TNPO1: variants seen among roughly 807,000 people sequenced by gnomAD.
The protein encoded by TNPO1 is transportin-1.
A neutral mutation model predicts 119.5 loss-of-function variants in TNPO1; 8 were observed. The ratio of observed to expected loss-of-function variants is 0.07; its 90% confidence interval spans 0.04 to 0.12. The LOEUF (loss-of-function observed/expected upper bound fraction) is 0.12. TNPO1 is among the 10% of genes least tolerant of loss of function. The pLI is 1.00. For missense variants in TNPO1, 576 were observed against 1,089.8 expected, an observed-to-expected ratio of 0.53 and a Z score of 6.64; for synonymous variants, 362 against 363.0, an observed-to-expected ratio of 1.00 and a Z score of 0.03.
chr5:72,886,362 C>T (rs1443659736), intron 11 of TNPO1, among the ~76,000 whole-genome samples: 2 of 152,106 alleles, frequency 1.3e-5, no homozygotes, highest in African/African-American at 4.8e-5. Flanking sequence ...TGATATACTG[C>T]TGGAAATGTT....
At chr5:72,871,698 A>G (rs1364623909) in intron 6 of TNPO1, 3 of 152,254 alleles carry the variant, frequency 2.0e-5, no homozygotes, top group African/African-American at 7.2e-5. Flanking sequence ...TTAAGACAGA[A>G]CAGCAAGTGA....
intron 1 of TNPO1, among the ~76,000 whole-genome samples, chr5:72,840,252 G>T (rs1374705994): frequency 2.0e-5 from 3 of 152,086 alleles, no homozygotes; most frequent in Non-Finnish European, 4.4e-5. Context: ...GTGCATCTGG[G>T]CTTGAGTCCT....
chr5:72,843,386 G>A (rs184064606), intron 1 of TNPO1, among the ~76,000 whole-genome samples: 10 of 152,242 alleles, frequency 6.6e-5, no homozygotes, highest in Non-Finnish European at 1.3e-4. Context: ...TTGAGGTCAG[G>A]AGTTCCAGAC....
chr5:72,856,714 T>C (rs1746028956), intron 4 of TNPO1, among the ~76,000 whole-genome samples: 1 of 152,232 alleles, frequency 6.6e-6, no homozygotes, highest in Admixed American at 6.5e-5. Context: ...CTTTTTAGTC[T>C]TTTCAGAGCG....
At chr5:72,883,738 T>A (rs1748418988) in intron 11 of TNPO1, among the ~76,000 whole-genome samples, 1 of 152,162 alleles carries the variant, frequency 6.6e-6, no homozygotes, top group South Asian at 2.1e-4. Context: ...TTTTTTTGTT[T>A]GTTTGTTTGT....
At chr5:72,902,728 CTT>C (rs1427146280) in intron 22 of TNPO1, among the ~76,000 whole-genome samples, 1 of 152,024 alleles carries the variant, frequency 6.6e-6, no homozygotes, top group African/African-American at 2.4e-5. Context: ...TGTTTTATAA[CTT>C]TTATTCACAT....
chr5:72,887,423 C>G (rs1425964498), intron 12 of TNPO1, among the ~76,000 whole-genome samples: 3 of 152,162 alleles, frequency 2.0e-5, no homozygotes, highest in African/African-American at 7.2e-5. Flanking sequence ...GGCATGGTGG[C>G]TCACGCCTAT....
chr5:72,854,345 C>T (rs1159468135), intron 3 of TNPO1, among the ~76,000 whole-genome samples: 1 of 152,138 alleles, frequency 6.6e-6, no homozygotes, highest in East Asian at 1.9e-4. Context: ...AGTTTGTGTG[C>T]AGAGAAACTG....
chr5:72,846,570 A>G (rs1232943901), intron 1 of TNPO1, among the ~76,000 whole-genome samples: 2 of 152,212 alleles, frequency 1.3e-5, no homozygotes, highest in East Asian at 1.9e-4. Flanking sequence ...TTGATTTATT[A>G]TAATATTTGT....
intron 15 of TNPO1, among the ~76,000 whole-genome samples, chr5:72,892,425 T>C (rs1278237574): frequency 1.3e-5 from 2 of 152,294 alleles, no homozygotes; most frequent in South Asian, 2.1e-4. Context: ...CTCCCTGTTA[T>C]TTCAAGGTTC....
chr5:72,864,487 T>TA (rs1254820375), intron 5 of TNPO1, among the ~76,000 whole-genome samples: 1 of 152,214 alleles, frequency 6.6e-6, no homozygotes, highest in Non-Finnish European at 1.5e-5. Flanking sequence ...CCTTTAGTAT[T>TA]AAAATGATTA....
chr5:72,844,706 A>G (rs1745053942), intron 1 of TNPO1, among the ~76,000 whole-genome samples: 1 of 152,234 alleles, frequency 6.6e-6, no homozygotes, highest in African/African-American at 2.4e-5. Flanking sequence ...TAAGACTTAG[A>G]TTAATTAACT....
At chr5:72,852,342 A>G (rs933226644) in intron 3 of TNPO1, among the ~76,000 whole-genome samples, 2 of 152,196 alleles carry the variant, frequency 1.3e-5, no homozygotes, top group East Asian at 3.8e-4. Context: ...CATCTCTGCC[A>G]TGCAATTTAC....
intron 4 of TNPO1, 73 bp downstream of exon 4, chr5:72,855,996 C>G: frequency 6.7e-7 from 1 of 1,488,684 alleles, no homozygotes. Flanking sequence ...AGATTATTTC[C>G]TTAGGAATTT....
intron 18 of TNPO1, among the ~76,000 whole-genome samples, chr5:72,895,281 T>G (rs545623206): frequency 6.6e-6 from 1 of 152,190 alleles, no homozygotes; most frequent in African/African-American, 2.4e-5. Flanking sequence ...TTAATGAGAT[T>G]TACGTTGTTT....
intron 22 of TNPO1, among the ~76,000 whole-genome samples, chr5:72,901,810 A>G (rs147497450): frequency 6.6e-6 from 1 of 152,306 alleles, no homozygotes; most frequent in East Asian, 1.9e-4. Flanking sequence ...GAGACCCAAG[A>G]TACATCAAAT....
intron 18 of TNPO1, among the ~76,000 whole-genome samples, chr5:72,895,921 A>C (rs918827706): frequency 6.6e-6 from 1 of 152,182 alleles, no homozygotes; most frequent in Non-Finnish European, 1.5e-5. Context: ...GCTTGCAGTG[A>C]GAACTTAAGT....
At chr5:72,853,983 T>C (rs1467926797) in intron 3 of TNPO1, among the ~76,000 whole-genome samples, 4 of 152,238 alleles carry the variant, frequency 2.6e-5, no homozygotes, top group African/African-American at 9.6e-5. Flanking sequence ...TATATACTTT[T>C]AATATTGAAT....
intron 22 of TNPO1, among the ~76,000 whole-genome samples, 153 bp from the exon 23 acceptor site, chr5:72,903,556 C>G (rs1338537168): frequency 6.6e-6 from 1 of 152,130 alleles, no homozygotes; most frequent in Admixed American, 6.6e-5. Flanking sequence ...TTAAGGTAAT[C>G]TCTTCTAATT....
Sources: gnomAD v4.1 joint callset for allele counts (sites outside exome capture counted in the v4.1 genomes callset) on GRCh38, gnomAD v4.1.1 for gene constraint, MANE v1.5 for transcripts, NCBI Gene and HGNC (gene_info 2026-07-23, HGNC 2026-07-21) for gene names.